ZNF433: variants seen among roughly 807,000 people sequenced by gnomAD.
ZNF433 encodes zinc finger protein 433.
Under a neutral mutation model 10.6 loss-of-function variants are expected in ZNF433, and 12 were observed. The observed-to-expected ratio is 1.13, with a 90% CI of 0.72 to 1.83. The LOEUF is 1.83. Ranked by LOEUF, ZNF433 falls within the 40% of genes most tolerant of loss-of-function variation. The pLI is 0.00. For missense variants in ZNF433, 737 were observed against 798.0 expected (o/e 0.92, Z 0.92); for synonymous variants, 272 against 271.3 (o/e 1.00, Z -0.02).
rs574423473 is a variant in ZNF433, at chr19:12,028,096, G to A, written c.3+7441C>T. 1.4e-4 allele frequency: 21 copies of A among 151,848 alleles called. No homozygotes were observed. The East Asian group carries it at 2.9e-3, about 21-fold the overall frequency. 9.4% of individuals were successfully genotyped at this position (151,848 alleles called of 1,614,324 possible). ...CTCACTCTGTCACTTAGTCTGGAGT[G>A]CAGTGGTATGATCATATTTCACTGT... On this transcript the variant is annotated intron_variant, in intron 1 of 3. Transcript: ENST00000550507.
At chr19:12,023,632 C>G (rs1287680483) in intron 1 of ZNF433, 1 of 152,042 alleles carries the variant, frequency 6.6e-6, no homozygotes, top group African/African-American at 2.4e-5. Flanking sequence ...TTCTCTACAC[C>G]ACTGGCTGTC....
At chr19:12,026,079 C>T (rs1599367858) in intron 1 of ZNF433, 1 of 152,816 alleles carries the variant, frequency 6.5e-6, no homozygotes, top group East Asian at 1.9e-4. Flanking sequence ...TCTACAGAAA[C>T]CAGCTGCAAA....
At position 12,015,380 on chromosome 19, in the gene ZNF433, T is replaced by C; in HGVS notation, c.1478A>G (p.His493Arg). ...TTTTCCTCCAGTGTGAGTCCTTTCA[T>C]GTCTATGAAATAAACTGGGCAAACT... Reference protein sequence around the residue: ...TFSLPSLFHRHERTHTGGKTY... With the variant: ...TFSLPSLFHRRERTHTGGKTY... The change falls in exon 4 of 4, where the codon CAT becomes CGT. Residue 493 changes from histidine to arginine, a missense_variant. Coordinates refer to ENST00000550507, the MANE Select transcript of ZNF433 (RefSeq NM_001308348.2). The C allele has an allele frequency of 6.2e-7, 1 of 1,614,250 alleles. No homozygotes were observed. Among genetic ancestry groups the C allele is most frequent in the Non-Finnish European group, 8.5e-7 (1 of 1,180,036 alleles).
chr19:12,022,948 AG>A, intron 1 of ZNF433, among the ~76,000 whole-genome samples: 1 of 152,346 alleles, frequency 6.6e-6, no homozygotes, highest in African/African-American at 2.4e-5. Flanking sequence ...AGTTCTATTC[AG>A]GCAGGAATTC....
At chr19:12,025,872 A>T (rs527959708) in intron 1 of ZNF433, 1 of 152,476 alleles carries the variant, frequency 6.6e-6, no homozygotes, top group South Asian at 2.1e-4. Flanking sequence ...TATTAAACAC[A>T]TTATTGGCAT....
rs1481635067 is a variant in ZNF433 at position 12,015,763 on chromosome 19, A to T, written c.1095T>A (p.Cys365Ter). Reference protein sequence around the residue: ...GMHTGEISHKCKICGKAFYSP... With the variant: ...GMHTGEISHK Reference sequence around the variant, plus strand: ...AATAAAAGGCTTTCCCACATATCTTACATTTATGAGATATCTCTCCAGTGT... The same window carrying T: ...AATAAAAGGCTTTCCCACATATCTTTCATTTATGAGATATCTCTCCAGTGT... The change falls in exon 4 of 4, where the codon TGT becomes TGA. Residue 365 changes from cysteine (C) to a stop codon, truncating the protein, a stop_gained. Transcript: ENST00000550507. LOFTEE classifies it low-confidence loss of function (END_TRUNC). 3.2e-5 allele frequency: 51 copies of T among 1,613,880 alleles called. No homozygotes were observed. Among genetic ancestry groups the T allele is most frequent in the Non-Finnish European group, 4.1e-5 (48 of 1,179,978 alleles).
chr19:12,033,541 G>A lies in ZNF433; in HGVS notation c.3+1996C>T, dbSNP rs113692374. The stretch of plus-strand genomic sequence containing the variant: ...CTCAAAAAAACAAAAACAAAAAACG[G>A]GCCAGGCGCAGTGACTCACACCTGT... On this transcript the variant is annotated intron_variant, in intron 1 of 3. Transcript: ENST00000550507. 3.4e-3 allele frequency among the ~76,000 whole-genome samples: 511 copies of A among 148,610 alleles called. 2 individuals carry two copies. The highest frequency in any genetic ancestry group is 0.012 in the African/African-American group (487 of 40,312).
intron 1 of ZNF433, chr19:12,024,553 T>G (rs1175567868): frequency 6.6e-6 from 1 of 152,196 alleles, no homozygotes; most frequent in African/African-American, 2.4e-5. Flanking sequence ...ATGCTATGAG[T>G]AATCTGTTTT....
chr19:12,028,444 G>T (rs952600730), intron 1 of ZNF433, among the ~76,000 whole-genome samples: 1 of 152,122 alleles, frequency 6.6e-6, no homozygotes, highest in Non-Finnish European at 1.5e-5. Flanking sequence ...ATGAAACTAT[G>T]AAGAAAATAA....
intron 1 of ZNF433, chr19:12,024,256 C>T (rs755239487): frequency 3.3e-5 from 5 of 152,224 alleles, no homozygotes; most frequent in Non-Finnish European, 5.9e-5. Flanking sequence ...ACAGCCAGGA[C>T]TGCCTTCTCC....
At chr19:12,018,139 T>G in intron 2 of ZNF433, 27 bp downstream of exon 2, 3 of 1,543,818 alleles carry the variant, frequency 1.9e-6, no homozygotes, top group Non-Finnish European at 2.6e-6. Context: ...TCTCATTTAC[T>G]GAAGGAAGTA....
In ZNF433 at chr19:12,021,578, GTAATA is replaced by G. The variant is rs1452672563; in HGVS notation, c.4-3291_4-3287del. Among the ~76,000 whole-genome samples, 8 of 152,270 alleles carry G rather than the reference GTAATA, an allele frequency of 5.3e-5. No homozygotes were observed. In the East Asian group the frequency reaches 1.3e-3, roughly 26 times the overall value. On this transcript the variant is annotated intron_variant, in intron 1 of 3. Transcript: ENST00000550507. The stretch of plus-strand genomic sequence containing the variant: ...CAGCCTATTACGTGTCGTGAGAACT[GTAATA>G]TAATATACAGAACTGTAATCTCCAT...
At chr19:12,033,040 A>G (rs2145491518) in intron 1 of ZNF433, among the ~76,000 whole-genome samples, 1 of 150,370 alleles carries the variant, frequency 6.7e-6, no homozygotes, top group East Asian at 2.0e-4. Context: ...CTGAGTGACT[A>G]TTTTCCAACA....
intron 1 of ZNF433, among the ~76,000 whole-genome samples, chr19:12,035,178 C>A (rs541127581): frequency 6.6e-6 from 1 of 152,150 alleles, no homozygotes. Context: ...TACTGGGGAC[C>A]CCACAGCCCA....
At chr19:12,020,986 C>CT (rs1178290869) in intron 1 of ZNF433, among the ~76,000 whole-genome samples, 99 of 105,262 alleles carry the variant, frequency 9.4e-4, no homozygotes, top group African/African-American at 2.9e-3. Context: ...TTTTTTTTTT[C>CT]TTTTTTTTTG....
intron 1 of ZNF433, among the ~76,000 whole-genome samples, chr19:12,022,798 A>AT (rs1294985437): frequency 2.0e-5 from 3 of 152,340 alleles, no homozygotes; most frequent in African/African-American, 7.2e-5. Flanking sequence ...GGAAGAGTCC[A>AT]TCCCTACCCT....
chr19:12,015,133 T>C lies in ZNF433; in HGVS notation c.1725A>G (p.Gln575=). ...CTCCAGTGTGAGTCCTTCCATGCAT[T>C]TGAAGGTGTGAGGCAGATCCAAAGG... ...GKAFGSASHL[Q]MHGRTHTGEK... is the part of the protein sequence containing the mutation. Residue 575 remains glutamine (Q), a synonymous_variant, in exon 4 of 4, where the codon CAA becomes CAG. Transcript: ENST00000550507. 2 of 1,613,982 alleles carry C rather than the reference T, an allele frequency of 1.2e-6. No individual in the cohort carries two copies. Among genetic ancestry groups the C allele is most frequent in the Non-Finnish European group, 1.7e-6 (2 of 1,179,972 alleles).
chr19:12,035,461 G>A (rs571634045), intron 1 of ZNF433, 76 bp downstream of exon 1: 20 of 1,542,842 alleles, frequency 1.3e-5, no homozygotes, highest in Middle Eastern at 1.8e-4. Flanking sequence ...GGGAGGCCCG[G>A]GTCCCACCAC....
Position 12,015,484 on chromosome 19 carries a change from ATT to A in ZNF433, c.1372_1373del (p.Asn458PhefsTer8). 1 of 1,613,908 alleles carries A rather than the reference ATT, an allele frequency of 6.2e-7. No individual in the cohort carries two copies. The highest frequency in any genetic ancestry group is 8.5e-7 in the Non-Finnish European group (1 of 1,179,984). On this transcript the variant is annotated frameshift_variant, in exon 4 of 4. Transcript: ENST00000550507. LOFTEE classifies it low-confidence loss of function (END_TRUNC). ...TTTCATGTATTTGAAAGAAAGAGAAATTACTAAATGGTTTTCCACATTCCTTA... is the reference window on the plus strand; with the variant it reads ...TTTCATGTATTTGAAAGAAAGAGAAAACTAAATGGTTTTCCACATTCCTTA... ...ACKECGKPFS[N>X]FSFFQIHERM... is the part of the protein sequence containing the mutation.
Sources: gnomAD v4.1 joint callset for allele counts (sites outside exome capture counted in the v4.1 genomes callset) on GRCh38, gnomAD v4.1.1 for gene constraint, MANE v1.5 for transcripts, NCBI Gene and HGNC (gene_info 2026-07-23, HGNC 2026-07-21) for gene names.